Variants in ABHD17C observed in about 807,000 individuals in gnomAD.
ABHD17C encodes alpha/beta hydrolase domain-containing protein 17C.
A neutral mutation model predicts 27.9 loss-of-function variants in ABHD17C; 11 were observed. The observed-to-expected ratio is 0.39, with a 90% CI of 0.25 to 0.65. ABHD17C has a LOEUF of 0.65. ABHD17C is among the 30% of genes least tolerant of loss of function. The pLI, the probability that ABHD17C is intolerant of heterozygous loss-of-function variation, is 0.45. For synonymous variants in ABHD17C, 233 were observed against 209.1 expected (o/e 1.11, Z -0.98); for missense variants, 280 against 470.2 (o/e 0.60, Z 3.74).
intron 1 of ABHD17C, among the ~76,000 whole-genome samples, chr15:80,748,332 G>T (rs908796586): frequency 1.3e-5 from 2 of 152,266 alleles, no homozygotes; most frequent in East Asian, 3.9e-4. Flanking sequence ...GTTGGCTCAC[G>T]GGCTTCAACT....
At position 80,749,684 on chromosome 15, in the gene ABHD17C, T is replaced by A. The variant is rs374372299; in HGVS notation, c.762T>A (p.Ala254=). The A allele has an allele frequency of 1.9e-5, 30 of 1,613,746 alleles. No homozygotes were observed. In the African/African-American group the frequency reaches 3.6e-4, roughly 19 times the overall value. The part of the protein sequence containing the change: ...PDTRKTYCFD[A]FPSIDKISKV... ...CCAGGAAAACATACTGCTTTGATGC[T>A]TTCCCCAGGTAAGTTCATGCTTGTC... The change falls in exon 2 of 3, where the codon GCT becomes GCA. Residue 254 remains alanine, a synonymous_variant. Coordinates refer to ENST00000258884, the MANE Select transcript of ABHD17C (RefSeq NM_021214.2).
intron 1 of ABHD17C, among the ~76,000 whole-genome samples, chr15:80,711,502 G>T (rs1177087808): frequency 6.6e-6 from 1 of 152,168 alleles, no homozygotes; most frequent in Non-Finnish European, 1.5e-5. Context: ...TTTGCCAGAG[G>T]TCTTGTCATT....
At chr15:80,749,014 T>C (rs561401074) in intron 1 of ABHD17C, among the ~76,000 whole-genome samples, 1 of 152,292 alleles carries the variant, frequency 6.6e-6, no homozygotes, top group South Asian at 2.1e-4. Context: ...AAAGAAAATA[T>C]AATTGTCTTC....
At chr15:80,747,637 G>A (rs1340549586) in intron 1 of ABHD17C, among the ~76,000 whole-genome samples, 3 of 152,108 alleles carry the variant, frequency 2.0e-5, no homozygotes, top group Admixed American at 6.5e-5. Context: ...CCATTTTTTA[G>A]TAACCTGTTA....
intron 1 of ABHD17C, among the ~76,000 whole-genome samples, chr15:80,740,072 C>T (rs1445451885): frequency 6.6e-6 from 1 of 152,136 alleles, no homozygotes; most frequent in Non-Finnish European, 1.5e-5. Flanking sequence ...TCCACACATG[C>T]CGACTTCCTG....
At chr15:80,696,586 G>A (rs937585708) in intron 1 of ABHD17C, among the ~76,000 whole-genome samples, 1 of 152,202 alleles carries the variant, frequency 6.6e-6, no homozygotes, top group Non-Finnish European at 1.5e-5. Flanking sequence ...GTGGGGCAAA[G>A]TAGTGGCACT....
At chr15:80,738,073 G>T (rs909681416) in intron 1 of ABHD17C, among the ~76,000 whole-genome samples, 2 of 152,104 alleles carry the variant, frequency 1.3e-5, no homozygotes, top group African/African-American at 4.8e-5. Context: ...AGGAAAACAG[G>T]TCTGGGAGAG....
chr15:80,720,441 G>C (rs745719119), intron 1 of ABHD17C, among the ~76,000 whole-genome samples: 1 of 152,124 alleles, frequency 6.6e-6, no homozygotes, highest in Non-Finnish European at 1.5e-5. Flanking sequence ...CTGAAGGTCA[G>C]TTGACTTGAG....
intron 1 of ABHD17C, among the ~76,000 whole-genome samples, chr15:80,712,840 T>G (rs1894745303): frequency 6.6e-6 from 1 of 152,218 alleles, no homozygotes; most frequent in African/African-American, 2.4e-5. Flanking sequence ...ATCAGCTTCA[T>G]CTCCTCGGAT....
intron 1 of ABHD17C, among the ~76,000 whole-genome samples, chr15:80,717,433 G>A (rs1180939914): frequency 7.0e-6 from 1 of 143,464 alleles, no homozygotes; most frequent in Non-Finnish European, 1.5e-5. Flanking sequence ...TCAATTTGTT[G>A]CGCAGGCTGG....
intron 1 of ABHD17C, among the ~76,000 whole-genome samples, chr15:80,735,159 T>C (rs964844257): frequency 6.6e-5 from 10 of 152,316 alleles, no homozygotes; most frequent in African/African-American, 2.4e-4. Flanking sequence ...AACATAGATA[T>C]CCAGTTTCAG....
At chr15:80,710,031 CAT>C (rs1894708823) in intron 1 of ABHD17C, among the ~76,000 whole-genome samples, 2 of 152,112 alleles carry the variant, frequency 1.3e-5, no homozygotes, top group Non-Finnish European at 2.9e-5. Flanking sequence ...TAGAGGAAAA[CAT>C]AGAACAGGGC....
intron 1 of ABHD17C, among the ~76,000 whole-genome samples, chr15:80,742,420 A>G (rs1895223168): frequency 6.6e-6 from 1 of 152,208 alleles, no homozygotes; most frequent in Non-Finnish European, 1.5e-5. Context: ...CCAGTGTCCA[A>G]GGGCAGGAGA....
chr15:80,755,529 T>C lies in ABHD17C; in HGVS notation c.*1159T>C, dbSNP rs1408260817. The C allele has an allele frequency of 1.3e-5, 2 of 152,198 alleles. No individual in the cohort carries two copies. Among genetic ancestry groups the C allele is most frequent in the African/African-American group, 2.4e-5 (1 of 41,438 alleles). 9.4% of individuals were successfully genotyped at this position (152,198 alleles called of 1,614,324 possible). ...ATGTACTGTAAGCCTCAGATCGTTG[T>C]ACAACTGGACTGCGGTTGATTGCCA... On this transcript the variant is annotated 3_prime_UTR_variant, in exon 3 of 3. Coordinates refer to ENST00000258884, the MANE Select transcript of ABHD17C (RefSeq NM_021214.2).
At chr15:80,698,060 ACT>A (rs1491410059) in intron 1 of ABHD17C, among the ~76,000 whole-genome samples, 2 of 93,512 alleles carry the variant, frequency 2.1e-5, no homozygotes, top group African/African-American at 7.5e-5. Context: ...GTTTTATTTC[ACT>A]TTTTTTTTTT....
intron 1 of ABHD17C, among the ~76,000 whole-genome samples, chr15:80,715,793 A>G (rs1339046954): frequency 2.0e-5 from 3 of 152,180 alleles, no homozygotes; most frequent in East Asian, 3.9e-4. Flanking sequence ...TCAGGGTTTC[A>G]GTTGCCCAGA....
At chr15:80,735,020 C>T (rs906483717) in intron 1 of ABHD17C, among the ~76,000 whole-genome samples, 32 of 152,188 alleles carry the variant, frequency 2.1e-4, no homozygotes, top group Admixed American at 1.2e-3. Flanking sequence ...TCCAGAGCCT[C>T]TGCTGTTAGC....
chr15:80,731,655 A>G (rs1340655990), intron 1 of ABHD17C, among the ~76,000 whole-genome samples: 1 of 142,976 alleles, frequency 7.0e-6, no homozygotes, highest in Non-Finnish European at 1.6e-5. Flanking sequence ...ATATTTTTAT[A>G]ATCTTTTTTT....
chr15:80,728,515 C>T (rs1869476027), intron 1 of ABHD17C, among the ~76,000 whole-genome samples: 1 of 150,096 alleles, frequency 6.7e-6, no homozygotes, highest in African/African-American at 2.4e-5. Flanking sequence ...CCATTCCCCT[C>T]ACTTGATAGA....
Sources: allele counts gnomAD v4.1 joint callset (sites outside exome capture counted in the v4.1 genomes callset), GRCh38; gene constraint gnomAD v4.1.1; transcripts MANE v1.5; gene names NCBI Gene and HGNC (gene_info 2026-07-23, HGNC 2026-07-21).